Variants in EXOC6B observed in about 807,000 individuals in gnomAD.
EXOC6B encodes SEC15 homolog B.
A neutral mutation model predicts 113.5 loss-of-function variants in EXOC6B; 54 were observed. The ratio of observed to expected loss-of-function variants is 0.48; its 90% CI spans 0.38 to 0.60. EXOC6B has a LOEUF of 0.60. Among genes scored for constraint, EXOC6B ranks in the 20% least tolerant of loss-of-function variants. The pLI is 0.00. For synonymous variants in EXOC6B, 357 were observed against 339.0 expected (o/e 1.05, Z -0.58); for missense variants, 797 against 977.5 (o/e 0.82, Z 2.46).
intron 18 of EXOC6B, among the ~76,000 whole-genome samples, chr2:72,419,595 G>C (rs146000562): frequency 3.1e-4 from 47 of 152,204 alleles, no homozygotes; most frequent in African/African-American, 1.0e-3. Context: ...TTCACAGTTT[G>C]TTTTTTCTTT....
chr2:72,825,162 T>C lies in EXOC6B; in HGVS notation c.113+636A>G, dbSNP rs377098532. ...GAGATGTGCGTGCAAAAAAAAATGA[T>C]AACTGGGGGGCGGCAGCAGGGTCAG... On this transcript the variant is annotated intron_variant, in intron 1 of 21. Transcript: ENST00000272427. This position sits in a 1 kb window ranked among gnomAD's most constrained non-coding sequence, Gnocchi z 4.4. Among the ~76,000 whole-genome samples, 8 of 152,088 alleles carry C rather than the reference T, an allele frequency of 5.3e-5. No homozygotes were observed. The highest frequency in any genetic ancestry group is 4.6e-4 in the Admixed American group (7 of 15,278).
chr2:72,441,747 AC>A (rs1287417071), intron 18 of EXOC6B, among the ~76,000 whole-genome samples: 1 of 151,472 alleles, frequency 6.6e-6, no homozygotes, highest in Admixed American at 6.6e-5. Flanking sequence ...GAGTACTACC[AC>A]TTACCAACCA....
At chr2:72,474,272 G>A (rs778536542) in intron 17 of EXOC6B, among the ~76,000 whole-genome samples, 7 of 151,906 alleles carry the variant, frequency 4.6e-5, no homozygotes, top group African/African-American at 9.7e-5. Flanking sequence ...GTCCTTTTGG[G>A]GATCTCAGCA....
rs1685352418 is a variant in EXOC6B at position 72,285,173 on chromosome 2, AAAG to A, written c.2196+49771_2196+49773del. On this transcript the variant is annotated intron_variant, in intron 20 of 21. Coordinates refer to ENST00000272427, the MANE Select transcript of EXOC6B (RefSeq NM_015189.3). Reference sequence around the variant, plus strand: ...TATCCAGAATAGCCAACACAATATCAAAGAAGAACTAAGTCAGACTTTGTTCAC... The same window carrying A: ...TATCCAGAATAGCCAACACAATATCAAAGAACTAAGTCAGACTTTGTTCAC... Among the ~76,000 whole-genome samples the A allele has an allele frequency of 3.9e-5, 6 of 152,236 alleles. No homozygotes were observed. The South Asian group carries it at 1.2e-3, about 32-fold the overall frequency.
intron 19 of EXOC6B, among the ~76,000 whole-genome samples, chr2:72,358,763 C>T (rs1378112422): frequency 2.6e-5 from 4 of 152,006 alleles, no homozygotes; most frequent in Non-Finnish European, 5.9e-5. Flanking sequence ...GATGTATGCA[C>T]TAAAATTGCC....
intron 18 of EXOC6B, among the ~76,000 whole-genome samples, chr2:72,391,953 T>C (rs1048878545): frequency 6.6e-6 from 1 of 152,242 alleles, no homozygotes; most frequent in Non-Finnish European, 1.5e-5. Context: ...AATTCTGCTT[T>C]GTTAAGTCTG....
chr2:72,276,244 T>G (rs4852287), intron 20 of EXOC6B, among the ~76,000 whole-genome samples: 57,925 of 151,992 alleles, frequency 0.38, 14,306 homozygotes, highest in African/African-American at 0.7. Flanking sequence ...GAAACAAAAC[T>G]GGCTCAAAAG....
intron 8 of EXOC6B, among the ~76,000 whole-genome samples, chr2:72,552,949 TCAGA>T (rs1703324909): frequency 6.6e-6 from 1 of 151,798 alleles, no homozygotes; most frequent in Admixed American, 6.6e-5. Context: ...AGATTAGAAA[TCAGA>T]CAAAGAGTCT....
intron 8 of EXOC6B, among the ~76,000 whole-genome samples, chr2:72,539,763 CGT>C (rs937926097): frequency 6.5e-4 from 98 of 151,708 alleles, no homozygotes; most frequent in African/African-American, 2.2e-3. Context: ...CGCGCGCGCG[CGT>C]GTGTGTAGTC....
chr2:72,385,742 A>C (rs1691979756), intron 18 of EXOC6B, among the ~76,000 whole-genome samples: 1 of 152,206 alleles, frequency 6.6e-6, no homozygotes, highest in Admixed American at 6.6e-5. Flanking sequence ...ATGAATAGCC[A>C]AGACGTATAT....
Position 72,182,977 on chromosome 2 carries a change from TGGTCA to T in EXOC6B, c.2309+1093_2309+1097del. On this transcript the variant is annotated intron_variant, in intron 21 of 21. Coordinates refer to ENST00000272427, the MANE Select transcript of EXOC6B (RefSeq NM_015189.3). ...AAAATGGAAACATCAATCTCTGACG[TGGTCA>T]GGAGAAAACTGCAGTCTGAGTTTTT... The T allele has an allele frequency of 2.7e-6, 3 of 1,112,148 alleles. No individual in the cohort carries two copies. In the East Asian group the frequency reaches 9.6e-5, roughly 36 times the overall value. The allele number at this position is 1,112,148 out of a possible 1,614,324, so 68.9% of individuals were successfully genotyped here.
chr2:72,195,023 G>C (rs1269944703), intron 20 of EXOC6B, among the ~76,000 whole-genome samples: 1 of 152,146 alleles, frequency 6.6e-6, no homozygotes, highest in African/African-American at 2.4e-5. Flanking sequence ...TTCTTTATCA[G>C]TGACCAATTG....
chr2:72,648,525 C>A (rs568442537), intron 6 of EXOC6B, among the ~76,000 whole-genome samples: 2 of 152,148 alleles, frequency 1.3e-5, no homozygotes, highest in East Asian at 3.9e-4. Flanking sequence ...ATCTTGGAAC[C>A]AACCCAAATG....
intron 19 of EXOC6B, among the ~76,000 whole-genome samples, chr2:72,367,817 A>C (rs1690729682): frequency 6.6e-6 from 1 of 152,070 alleles, no homozygotes; most frequent in African/African-American, 2.4e-5. Context: ...GGCTGGGCTC[A>C]CTCAGAACCC....
chr2:72,385,172 A>T (rs1229755758), intron 18 of EXOC6B, among the ~76,000 whole-genome samples: 1 of 152,192 alleles, frequency 6.6e-6, no homozygotes, highest in Non-Finnish European at 1.5e-5. Context: ...TACACAGACC[A>T]ATGGAACAGA....
intron 17 of EXOC6B, among the ~76,000 whole-genome samples, chr2:72,474,363 T>C (rs1316527471): frequency 6.6e-6 from 1 of 152,132 alleles, no homozygotes; most frequent in Non-Finnish European, 1.5e-5. Flanking sequence ...GTTTTCCAAC[T>C]CTTTTTTATT....
intron 1 of EXOC6B, among the ~76,000 whole-genome samples, chr2:72,779,962 C>T (rs756711378): frequency 1.3e-5 from 2 of 152,138 alleles, no homozygotes; most frequent in Non-Finnish European, 2.9e-5. Context: ...AAGAGACCTT[C>T]TGGTCAATAC....
At chr2:72,798,441 G>A (rs1052560623) in intron 1 of EXOC6B, among the ~76,000 whole-genome samples, 1 of 151,486 alleles carries the variant, frequency 6.6e-6, no homozygotes, top group African/African-American at 2.4e-5. Flanking sequence ...GCCTAAAATA[G>A]CACCATGCGA....
chr2:72,335,305 A>C, intron 19 of EXOC6B: 1 of 279,318 alleles, frequency 3.6e-6, no homozygotes, highest in Non-Finnish European at 6.7e-6. Context: ...GTGAATGGAC[A>C]AACAACTTGC....
Sources: gnomAD v4.1 joint callset for allele counts (sites outside exome capture counted in the v4.1 genomes callset) on GRCh38, gnomAD v4.1.1 for gene constraint, Gnocchi (gnomAD v3.1) non-coding constraint, MANE v1.5 for transcripts, NCBI Gene and HGNC (gene_info 2026-07-23, HGNC 2026-07-21) for gene names.